PPP2R2B: variants seen among roughly 807,000 people sequenced by gnomAD.
PPP2R2B encodes protein phosphatase 2 regulatory subunit Bbeta.
A neutral mutation model predicts 46.0 loss-of-function variants in PPP2R2B; 5 were observed. The ratio of observed to expected loss-of-function variants is 0.11; its 90% CI spans 0.06 to 0.23. PPP2R2B has a LOEUF of 0.23. Among genes scored for constraint, PPP2R2B ranks in the 10% least tolerant of loss-of-function variants. The pLI, the probability that PPP2R2B is intolerant of heterozygous loss-of-function variation, is 1.00. For missense variants in PPP2R2B, 367 were observed against 575.0 expected (o/e 0.64, Z 3.70); for synonymous variants, 215 against 206.7 (o/e 1.04, Z -0.34).
chr5:147,038,709 C>A (rs535759736), intron 1 of PPP2R2B, among the ~76,000 whole-genome samples: 5 of 152,254 alleles, frequency 3.3e-5, no homozygotes, highest in African/African-American at 7.2e-5. Context: ...GATTTCTGTG[C>A]AATAGGATTA....
At chr5:146,617,575 T>G in intron 7 of PPP2R2B, among the ~76,000 whole-genome samples, 1 of 152,194 alleles carries the variant, frequency 6.6e-6, no homozygotes, top group East Asian at 1.9e-4. Context: ...TGTAAAGCAC[T>G]ATGATAGGTG....
chr5:146,699,706 G>T lies in PPP2R2B; in HGVS notation c.168+1339C>A, dbSNP rs774011273. On this transcript the variant is annotated intron_variant, in intron 3 of 9. Coordinates refer to ENST00000394411, the MANE Select transcript of PPP2R2B (RefSeq NM_181675.4). Reference sequence around the variant, plus strand: ...TTTTAAGAAAAAGCTGGAAAAGGAGGTTTGAAAATGAGTGTTCAAAAGACT... The same window carrying T: ...TTTTAAGAAAAAGCTGGAAAAGGAGTTTTGAAAATGAGTGTTCAAAAGACT... Among the ~76,000 whole-genome samples, 116 of 146,702 alleles carry T rather than the reference G, an allele frequency of 7.9e-4. 1 individual carries two copies. Among genetic ancestry groups the T allele is most frequent in the Admixed American group, 2.8e-3 (41 of 14,582 alleles).
rs1764041416 is a variant in PPP2R2B, at chr5:146,933,670, T to C, written c.79+121995A>G. On this transcript the variant is annotated intron_variant, in intron 1 of 8. Transcript: ENST00000336640. ...GTGACAAACGGAAGTTCTTTTTTTT[T>C]TTTAAGTTTTTTTTTTCTTTTATTA... is the stretch of plus-strand genomic sequence containing the variant. Among the ~76,000 whole-genome samples, 4 of 151,954 alleles carry C rather than the reference T, an allele frequency of 2.6e-5. No individual in the cohort carries two copies. The South Asian group carries it at 8.3e-4, about 32-fold the overall frequency.
intron 2 of PPP2R2B, among the ~76,000 whole-genome samples, chr5:146,730,841 A>G (rs11955902): frequency 0.025 from 3,800 of 152,228 alleles, 144 homozygotes; most frequent in African/African-American, 0.083. Context: ...AATACAGGGA[A>G]ATTAAACTTA....
At chr5:146,963,413 TCTC>T (rs1752267130) in intron 1 of PPP2R2B, among the ~76,000 whole-genome samples, 1 of 152,120 alleles carries the variant, frequency 6.6e-6, no homozygotes, top group Non-Finnish European at 1.5e-5. Flanking sequence ...TCTTTCCCCT[TCTC>T]CTGTCTTGCT....
chr5:146,823,107 C>T (rs1158099966), intron 2 of PPP2R2B, among the ~76,000 whole-genome samples: 6 of 152,180 alleles, frequency 3.9e-5, no homozygotes, highest in Non-Finnish European at 8.8e-5. Context: ...GAGCTCAGCC[C>T]CCTGTTCTGG....
chr5:146,998,780 C>T (rs1754031338), intron 1 of PPP2R2B, among the ~76,000 whole-genome samples: 2 of 152,074 alleles, frequency 1.3e-5, no homozygotes, highest in Admixed American at 1.3e-4. Flanking sequence ...CTTGCCCCTT[C>T]AGCCTTCTCT....
intron 1 of PPP2R2B, among the ~76,000 whole-genome samples, chr5:146,893,270 G>A (rs1053858078): frequency 7.9e-5 from 12 of 152,170 alleles, no homozygotes; most frequent in African/African-American, 2.7e-4. Flanking sequence ...ATTAATGAAT[G>A]CTTTCTTTGT....
At chr5:146,779,616 T>C (rs1451679381) in intron 2 of PPP2R2B, among the ~76,000 whole-genome samples, 1 of 152,170 alleles carries the variant, frequency 6.6e-6, no homozygotes, top group African/African-American at 2.4e-5. Flanking sequence ...AGGCCAACAG[T>C]CTATTACAAC....
chr5:146,912,430 T>C (rs1357282241), intron 1 of PPP2R2B, among the ~76,000 whole-genome samples: 1 of 151,836 alleles, frequency 6.6e-6, no homozygotes, highest in Non-Finnish European at 1.5e-5. Context: ...AAAGAAAGAA[T>C]AGAGGGGGGA....
chr5:146,673,497 G>A (rs935949950), intron 5 of PPP2R2B, among the ~76,000 whole-genome samples: 4 of 151,138 alleles, frequency 2.6e-5, no homozygotes, highest in Non-Finnish European at 5.9e-5. Flanking sequence ...TTTTTTTATT[G>A]CTACTAGAAA....
intron 1 of PPP2R2B, among the ~76,000 whole-genome samples, chr5:146,920,334 G>A (rs116352927): frequency 1.1e-3 from 169 of 152,262 alleles, no homozygotes; most frequent in Non-Finnish European, 2.0e-3. Context: ...GTGCTATAAA[G>A]CCCTTACCAG....
chr5:146,593,106 A>G, intron 8 of PPP2R2B, 44 bp from the exon 9 acceptor site: 1 of 1,482,860 alleles, frequency 6.7e-7, no homozygotes. Flanking sequence ...TATTTTAAAC[A>G]GTAATTATTT....
chr5:146,676,769 A>G (rs1392007579), intron 5 of PPP2R2B, among the ~76,000 whole-genome samples: 2 of 152,176 alleles, frequency 1.3e-5, no homozygotes, highest in Non-Finnish European at 2.9e-5. Context: ...TAACTCCAGG[A>G]CTAATCATAG....
chr5:146,791,858 T>G (rs986307576), intron 2 of PPP2R2B, among the ~76,000 whole-genome samples: 4 of 152,206 alleles, frequency 2.6e-5, no homozygotes, highest in African/African-American at 9.6e-5. Flanking sequence ...ACTTTCCCTT[T>G]TCTTATCCTC....
chr5:146,908,436 T>A (rs939724704), intron 1 of PPP2R2B, among the ~76,000 whole-genome samples: 2 of 152,138 alleles, frequency 1.3e-5, no homozygotes, highest in African/African-American at 4.8e-5. Context: ...TCTTTCAATA[T>A]GTATATTTTT....
intron 1 of PPP2R2B, among the ~76,000 whole-genome samples, chr5:146,952,440 T>C (rs1450386807): frequency 2.0e-5 from 3 of 152,024 alleles, no homozygotes; most frequent in Admixed American, 6.6e-5. Context: ...TCACGTTGTC[T>C]CTCTCAAGAC....
At chr5:146,733,820 T>TG (rs1218475019) in intron 2 of PPP2R2B, among the ~76,000 whole-genome samples, 4 of 152,178 alleles carry the variant, frequency 2.6e-5, no homozygotes, top group Non-Finnish European at 5.9e-5. Context: ...TTGCAATATA[T>TG]GTGCTGGAAA....
chr5:146,825,808 A>G (rs1758543122), intron 2 of PPP2R2B, among the ~76,000 whole-genome samples: 1 of 152,248 alleles, frequency 6.6e-6, no homozygotes, highest in Admixed American at 6.5e-5. Context: ...ACAGTGTGCT[A>G]TGACATGCTA....
Sources: gnomAD v4.1 joint callset for allele counts (sites outside exome capture counted in the v4.1 genomes callset) on GRCh38, gnomAD v4.1.1 for gene constraint, MANE v1.5 for transcripts, NCBI Gene and HGNC (gene_info 2026-07-23, HGNC 2026-07-21) for gene names.